Variants in ZNF208 observed in about 807,000 individuals in gnomAD.
ZNF208 encodes the protein zinc finger protein 95.
In ZNF208, 10 loss-of-function variants were observed where a neutral mutation model predicts 12.1. That is an observed-to-expected ratio of 0.83 (90% confidence interval 0.51 to 1.40). ZNF208 has a LOEUF of 1.40. ZNF208 is among the 40% of genes most tolerant of loss of function. The probability of loss-of-function intolerance (pLI) is 0.00; values close to 1 mark genes in which losing one functional copy is unlikely to be tolerated. For missense variants in ZNF208, 1,652 were observed against 1,485.0 expected (o/e 1.11, Z -1.85); for synonymous variants, 497 against 488.4 (o/e 1.02, Z -0.23).
At chr19:21,989,704 G>A (rs1218164557) in intron 1 of ZNF208, among the ~76,000 whole-genome samples, 5 of 152,160 alleles carry the variant, frequency 3.3e-5, no homozygotes, top group Non-Finnish European at 7.3e-5. Flanking sequence ...CACCAACAGT[G>A]TAAAAGTGTT....
Position 21,949,434 on chromosome 19 carries a change from T to C in ZNF208, c.306-16197A>G, listed in dbSNP as rs144410055. Among the ~76,000 whole-genome samples the C allele has an allele frequency of 6.8e-4, 104 of 152,284 alleles. No homozygotes were observed. The East Asian group carries it at 0.012, about 17-fold the overall frequency. The stretch of plus-strand genomic sequence containing the variant: ...AAAGAAAGAATTAAACTCATTTTCT[T>C]CTTTTCCTTTCCCAAACTCATTGGG... On this transcript the variant is annotated intron_variant, in intron 4 of 4. Coordinates refer to the ZNF208 transcript ENST00000599916.
Position 21,973,845 on chromosome 19 carries a change from A to G in ZNF208, c.1189T>C (p.Tyr397His), listed in dbSNP as rs1242671182. 1.9e-6 allele frequency: 3 copies of G among 1,613,278 alleles called. No homozygotes were observed. Among genetic ancestry groups the G allele is most frequent in the Non-Finnish European group, 2.5e-6 (3 of 1,179,816 alleles). ...CCTTTGCCACATTCTTCACATTTGT[A>G]GGGTTTCTCTCCAGTATGAATTTTC... The part of the protein sequence containing the change: ...HKKIHTGEKP[Y>H]KCEECGKGFS... The change falls in exon 4 of 4, where the codon TAC becomes CAC. Residue 397 changes from tyrosine to histidine, a missense_variant. Tyr to His is a moderately conservative substitution (Grantham distance 83, BLOSUM62 2). Around this residue, in one of 3 missense-constraint regions of ZNF208, gnomAD observed 1,239 missense variants for 1,086.2 expected, o/e 1.14. Coordinates refer to ENST00000397126, the MANE Select transcript of ZNF208 (RefSeq NM_007153.3).
intron 4 of ZNF208, among the ~76,000 whole-genome samples, chr19:21,958,100 T>C (rs1056840370): frequency 1.3e-5 from 2 of 152,006 alleles, no homozygotes; most frequent in Non-Finnish European, 2.9e-5. Flanking sequence ...TTTTTGTTCT[T>C]GTGATAGTTT....
chr19:21,999,836 T>A (rs922676545), intron 1 of ZNF208, among the ~76,000 whole-genome samples: 1 of 152,238 alleles, frequency 6.6e-6, no homozygotes, highest in African/African-American at 2.4e-5. Flanking sequence ...ATCTAAACCT[T>A]TTATAAAAAT....
Position 21,970,813 on chromosome 19 carries a change from A to T in ZNF208, c.*378T>A. 6.8e-7 allele frequency: 1 copy of T among 1,464,508 alleles called. No individual in the cohort carries two copies. The highest frequency in any genetic ancestry group is 9.5e-7 in the Non-Finnish European group (1 of 1,048,544). The allele number at this position is 1,464,508 out of a possible 1,614,324, so 90.7% of individuals were successfully genotyped here. On this transcript the variant is annotated 3_prime_UTR_variant, in exon 4 of 4. Transcript: ENST00000397126. ...GCATGAATTTTCTTATGTTTACTAAAGACTGAGAACCAGCTGAAGGCTTTG... is the reference window on the plus strand; with the variant it reads ...GCATGAATTTTCTTATGTTTACTAATGACTGAGAACCAGCTGAAGGCTTTG...
downstream of ZNF208, among the ~76,000 whole-genome samples, chr19:21,963,922 T>A (rs1352803643): frequency 1.3e-5 from 2 of 151,950 alleles, no homozygotes; most frequent in Non-Finnish European, 2.9e-5. Context: ...TTTTGAGACC[T>A]ATTGCACAGC....
chr19:21,982,745 C>T (rs2145561597), intron 3 of ZNF208, among the ~76,000 whole-genome samples: 1 of 152,182 alleles, frequency 6.6e-6, no homozygotes, highest in Middle Eastern at 3.4e-3. Flanking sequence ...ACAAACCTGA[C>T]AAAAGCAAGC....
chr19:21,963,551 G>A (rs564652557), downstream of ZNF208, among the ~76,000 whole-genome samples: 10 of 151,956 alleles, frequency 6.6e-5, no homozygotes, highest in Admixed American at 2.0e-4. Context: ...GTGCTGAGTG[G>A]AGGTGCAACA....
chr19:21,951,360 T>A (rs952039551), intron 4 of ZNF208, among the ~76,000 whole-genome samples: 4 of 152,170 alleles, frequency 2.6e-5, no homozygotes, highest in Non-Finnish European at 4.4e-5. Flanking sequence ...TGAATGTGTA[T>A]GCAACGTGTG....
At chr19:21,940,578 C>CTA (rs910606373) in intron 4 of ZNF208, 9 of 152,028 alleles carry the variant, frequency 5.9e-5, no homozygotes, top group Non-Finnish European at 1.2e-4. Flanking sequence ...CTCTCTCTCT[C>CTA]TATATATATT....
Position 21,971,905 on chromosome 19 carries a change from G to C in ZNF208, c.3129C>G (p.Ser1043Arg), listed in dbSNP as rs113409472. The change falls in exon 4 of 4, where the codon AGC becomes AGG. Residue 1043 changes from serine (S) to arginine (R), a missense_variant. By Grantham distance (110) the Ser-to-Arg change is moderately radical. Transcript: ENST00000397126. Reference protein sequence around the residue: ...ECDKAFSWPSSLTEHKATHAG... With the variant: ...ECDKAFSWPSRLTEHKATHAG... ...CATGAGTTGCCTTATGTTCAGTAAG[G>C]CTTGAGGGCCAGCTGAAGGCTTTGT... The C allele has an allele frequency of 1.3e-6, 2 of 1,524,012 alleles. No homozygotes were observed. Among genetic ancestry groups the C allele is most frequent in the Non-Finnish European group, 8.9e-7 (1 of 1,120,996 alleles). The allele number at this position is 1,524,012 out of a possible 1,614,324, so 94.4% of individuals were successfully genotyped here.
rs546252073 is a variant in ZNF208 at position 21,971,431 on chromosome 19, T to C, written c.3603A>G (p.Glu1201=). ...AGGGCCACTTATAGGCTTTGCCACA[T>C]TCTTCACATTTGTAGAGTTTCTCTC... ...HTGEKLYKCE[E]CGKAYKWPST... Residue 1201 remains glutamate, a synonymous_variant, in exon 4 of 4, where the codon GAA becomes GAG. Coordinates refer to ENST00000397126, the MANE Select transcript of ZNF208 (RefSeq NM_007153.3). 6 of 1,610,322 alleles carry C rather than the reference T, an allele frequency of 3.7e-6. No individual in the cohort carries two copies. The highest frequency in any genetic ancestry group is 4.2e-6 in the Non-Finnish European group (5 of 1,179,436).
At chr19:21,952,836 A>G (rs1969912685) in intron 4 of ZNF208, among the ~76,000 whole-genome samples, 1 of 152,226 alleles carries the variant, frequency 6.6e-6, no homozygotes, top group Non-Finnish European at 1.5e-5. Context: ...AGTTGACAGA[A>G]GTAGGCTTCA....
At chr19:21,950,660 A>T (rs892149193) in intron 4 of ZNF208, among the ~76,000 whole-genome samples, 14 of 151,610 alleles carry the variant, frequency 9.2e-5, no homozygotes, top group South Asian at 2.1e-4. Context: ...CACCCAGCTA[A>T]TTTTTTTTAT....
chr19:21,996,890 G>C (rs1270206460), intron 1 of ZNF208, among the ~76,000 whole-genome samples: 2 of 152,194 alleles, frequency 1.3e-5, no homozygotes, highest in Admixed American at 1.3e-4. Flanking sequence ...GAGGATGATA[G>C]ATACCAAGTA....
intron 1 of ZNF208, among the ~76,000 whole-genome samples, chr19:22,006,353 T>G (rs1299696061): frequency 6.6e-6 from 1 of 152,206 alleles, no homozygotes; most frequent in Non-Finnish European, 1.5e-5. Context: ...GTTGTAATAC[T>G]CCTTTGGAAT....
chr19:21,990,835 T>C (rs1970721072), intron 1 of ZNF208, among the ~76,000 whole-genome samples: 1 of 152,194 alleles, frequency 6.6e-6, no homozygotes, highest in African/African-American at 2.4e-5. Flanking sequence ...CCTTCTAAGT[T>C]GGATTCCTAA....
rs1281856171 is a variant in ZNF208 at position 21,973,877 on chromosome 19, T to C, written c.1157A>G (p.Tyr386Cys). 1.9e-6 allele frequency: 3 copies of C among 1,613,444 alleles called. No individual in the cohort carries two copies. The highest frequency in any genetic ancestry group is 2.2e-5 in the South Asian group (2 of 91,020). The stretch of plus-strand genomic sequence containing the variant: ...CTCTCCAGTATGAATTTTCTTATGA[T>C]AACTAAGGGTTGAGGGCCACTTATA... ...KAYKWPSTLS[Y>C]HKKIHTGEKP... is the part of the protein sequence containing the mutation. The change falls in exon 4 of 4, where the codon TAT (tyrosine) becomes TGT (cysteine). Residue 386 changes from tyrosine (Y) to cysteine (C), a missense_variant. Tyr to Cys is a radical substitution (Grantham distance 194). Transcript: ENST00000397126.
Position 21,980,584 on chromosome 19 carries a change from T to A in ZNF208, c.227-5777A>T, listed in dbSNP as rs188539082. ...CAGACAAAGCAGTGTCTAGAAAATATATAGCACTAAATGCCCACAAAAGAA... is the reference window on the plus strand; with the variant it reads ...CAGACAAAGCAGTGTCTAGAAAATAAATAGCACTAAATGCCCACAAAAGAA... On this transcript the variant is annotated intron_variant, in intron 3 of 3. Transcript: ENST00000397126. Among the ~76,000 whole-genome samples, 1,259 of 152,136 alleles carry A rather than the reference T, an allele frequency of 8.3e-3. 6 individuals carry two copies. The highest frequency in any genetic ancestry group is 0.013 in the Non-Finnish European group (859 of 67,962).
Sources: gnomAD v4.1 joint callset for allele counts (sites outside exome capture counted in the v4.1 genomes callset) on GRCh38, gnomAD v4.1.1 for gene constraint, gnomAD v4.1.1 regional missense constraint, MANE v1.5 for transcripts, NCBI Gene and HGNC (gene_info 2026-07-23, HGNC 2026-07-21) for gene names.